The following CAST variants were observed in gnomAD, a reference collection of about 807,000 sequenced individuals.
CAST encodes calpastatin, also known as MIR583 host.
CAST carries 76 observed loss-of-function variants against 119.6 expected under a neutral mutation model. The observed-to-expected ratio is 0.64, with a 90% confidence interval of 0.53 to 0.77. CAST has a LOEUF of 0.77. CAST is among the 30% of genes least tolerant of loss of function. CAST has a pLI of 0.00. For missense variants in CAST, 953 were observed against 946.5 expected (o/e 1.01, Z -0.09); for synonymous variants, 319 against 331.6 (o/e 0.96, Z 0.41).
chr5:96,595,920 C>T (rs749168222), intron 1 of CAST, among the ~76,000 whole-genome samples: 12 of 151,976 alleles, frequency 7.9e-5, no homozygotes, highest in Non-Finnish European at 1.6e-4. Context: ...GAGGAGGTGG[C>T]GTGGCATAAG....
At chr5:96,456,980 T>G in the CAST span, among the ~76,000 whole-genome samples, 1 of 152,184 alleles carries the variant, frequency 6.6e-6, no homozygotes, top group Non-Finnish European at 1.5e-5. Flanking sequence ...TGATTGTAAG[T>G]TTCCTGAGGC....
the CAST span, among the ~76,000 whole-genome samples, chr5:96,373,787 C>G: frequency 6.6e-6 from 1 of 151,666 alleles, no homozygotes; most frequent in Non-Finnish European, 1.5e-5. Flanking sequence ...AATGTGTTGC[C>G]CAGGCTGGAC....
chr5:96,408,708 G>A, the CAST span, among the ~76,000 whole-genome samples: 2 of 152,214 alleles, frequency 1.3e-5, no homozygotes, highest in South Asian at 4.1e-4. Flanking sequence ...TAGAAATTCT[G>A]TCTCATACAA....
chr5:96,675,857 A>G (rs866404737), intron 2 of CAST: 3 of 364,906 alleles, frequency 8.2e-6, no homozygotes, highest in East Asian at 4.5e-5. Flanking sequence ...TGTTTTCCCT[A>G]TAGGAACTGG....
intron 2 of CAST, 172 bp downstream of exon 2, chr5:96,675,773 T>TA (rs917358653): frequency 6.4e-5 from 35 of 544,324 alleles, no homozygotes; most frequent in African/African-American, 2.1e-4. Context: ...TAAAAATAAA[T>TA]AAAAAAAATT....
At chr5:96,373,318 CT>C in the CAST span, among the ~76,000 whole-genome samples, 1 of 152,152 alleles carries the variant, frequency 6.6e-6, no homozygotes, top group African/African-American at 2.4e-5. Flanking sequence ...ATAATAGGTT[CT>C]TTGTGTAAGG....
At chr5:96,335,983 A>G in the CAST span, among the ~76,000 whole-genome samples, 30 of 152,254 alleles carry the variant, frequency 2.0e-4, no homozygotes, top group African/African-American at 6.7e-4. Flanking sequence ...GACCAATATA[A>G]CAGTCTCTCA....
chr5:96,503,448 A>G, the CAST span, among the ~76,000 whole-genome samples: 2 of 152,142 alleles, frequency 1.3e-5, no homozygotes, highest in Non-Finnish European at 2.9e-5. Context: ...TTCTCTGGGA[A>G]ATTGAATGCC....
intron 1 of CAST, among the ~76,000 whole-genome samples, chr5:96,593,726 T>C (rs772032214): frequency 6.6e-6 from 1 of 152,176 alleles, no homozygotes; most frequent in East Asian, 1.9e-4. Flanking sequence ...TAGTGCCTTA[T>C]TAAAGGGATC....
chr5:96,427,723 G>A, the CAST span, among the ~76,000 whole-genome samples: 3,743 of 152,302 alleles, frequency 0.025, 152 homozygotes, highest in African/African-American at 0.086. Flanking sequence ...TCCTATGAAA[G>A]TGAGAAGGCA....
At chr5:96,270,328 G>T in the CAST span, among the ~76,000 whole-genome samples, 1 of 152,026 alleles carries the variant, frequency 6.6e-6, no homozygotes, top group Non-Finnish European at 1.5e-5. Flanking sequence ...CTAAGATCTG[G>T]AACAAGACAA....
chr5:96,447,006 A>G, the CAST span, among the ~76,000 whole-genome samples: 1 of 152,210 alleles, frequency 6.6e-6, no homozygotes, highest in African/African-American at 2.4e-5. Context: ...CTGGCCAATT[A>G]GAAGAGATGC....
At chr5:96,122,118 A>G in the CAST span, among the ~76,000 whole-genome samples, 1 of 152,326 alleles carries the variant, frequency 6.6e-6, no homozygotes, top group Non-Finnish European at 1.5e-5. Flanking sequence ...CTATGATTAT[A>G]GGATACTGTT....
chr5:95,983,248 A>T, the CAST span, among the ~76,000 whole-genome samples: 3 of 152,240 alleles, frequency 2.0e-5, no homozygotes, highest in Non-Finnish European at 4.4e-5. Flanking sequence ...GGTAGTGATT[A>T]GAAGTCCTGA....
chr5:96,310,912 C>T, the CAST span, among the ~76,000 whole-genome samples: 1 of 146,538 alleles, frequency 6.8e-6, no homozygotes, highest in South Asian at 2.1e-4. Context: ...TATTGTATTT[C>T]TAACTTCTAT....
At chr5:96,353,653 C>T in the CAST span, among the ~76,000 whole-genome samples, 2 of 152,220 alleles carry the variant, frequency 1.3e-5, no homozygotes, top group Admixed American at 6.5e-5. Flanking sequence ...CTGTGATTTT[C>T]ATCTCCTTCT....
At chr5:96,400,091 G>T in the CAST span, 25 of 1,614,008 alleles carry the variant, frequency 1.5e-5, no homozygotes, top group South Asian at 2.5e-4. Context: ...CATCAAGCCT[G>T]CTCCATTCTT....
At chr5:96,329,603 G>A in the CAST span, among the ~76,000 whole-genome samples, 1 of 152,208 alleles carries the variant, frequency 6.6e-6, no homozygotes, top group Non-Finnish European at 1.5e-5. Context: ...TCTTTAGAAG[G>A]CCTCATGTCC....
the CAST span, chr5:95,961,973 C>G: frequency 2.3e-6 from 1 of 437,038 alleles, no homozygotes; most frequent in Non-Finnish European, 4.0e-6. Flanking sequence ...CGGCCGCCCT[C>G]CACTCTCACG....
Sources: gnomAD v4.1 joint callset for allele counts (sites outside exome capture counted in the v4.1 genomes callset) on GRCh38, gnomAD v4.1.1 for gene constraint, MANE v1.5 for transcripts, NCBI Gene and HGNC (gene_info 2026-07-23, HGNC 2026-07-21) for gene names.